SGCZ: variants seen among roughly 807,000 people sequenced by gnomAD.
SGCZ encodes the protein zeta-sarcoglycan.
A neutral mutation model predicts 41.3 loss-of-function variants in SGCZ; 40 were observed. That is an observed-to-expected ratio of 0.97 (90% confidence interval 0.75 to 1.26). The LOEUF (loss-of-function observed/expected upper bound fraction) is 1.26, where lower values mean the gene tolerates loss of function less well. SGCZ is among the 50% of genes most tolerant of loss of function. The probability of loss-of-function intolerance (pLI) is 0.00; values close to 1 mark genes in which losing one functional copy is unlikely to be tolerated. For synonymous variants in SGCZ, 206 were observed against 137.5 expected (o/e 1.50, Z -3.49); for missense variants, 552 against 369.8 (o/e 1.49, Z -4.04).
chr8:14,235,998 G>A (rs1054234826), intron 4 of SGCZ, among the ~76,000 whole-genome samples: 1 of 152,230 alleles, frequency 6.6e-6, no homozygotes. Flanking sequence ...TTTACATTTT[G>A]ACATTTCTAC....
chr8:14,346,276 T>C (rs1012115516), intron 2 of SGCZ, among the ~76,000 whole-genome samples: 30 of 151,986 alleles, frequency 2.0e-4, no homozygotes, highest in African/African-American at 6.5e-4. Flanking sequence ...AAAAGTAAAA[T>C]CTATTAATTA....
intron 2 of SGCZ, among the ~76,000 whole-genome samples, chr8:14,465,052 G>A (rs961916513): frequency 4.6e-5 from 7 of 151,660 alleles, no homozygotes; most frequent in Non-Finnish European, 1.0e-4. Flanking sequence ...TATGTATTCT[G>A]CTTTTGTTCA....
intron 1 of SGCZ, among the ~76,000 whole-genome samples, chr8:14,598,252 C>T (rs1204810316): frequency 6.8e-6 from 1 of 146,856 alleles, no homozygotes; most frequent in African/African-American, 2.4e-5. Flanking sequence ...ATGTACATGG[C>T]CTCTTTGAGT....
At chr8:14,563,880 A>T (rs1329084132) in intron 1 of SGCZ, among the ~76,000 whole-genome samples, 1 of 152,180 alleles carries the variant, frequency 6.6e-6, no homozygotes, top group Admixed American at 6.5e-5. Flanking sequence ...AATTGATATA[A>T]TTTTTTAAAA....
intron 3 of SGCZ, among the ~76,000 whole-genome samples, chr8:14,250,452 C>T (rs1349391641): frequency 6.6e-6 from 1 of 152,022 alleles, no homozygotes; most frequent in African/African-American, 2.4e-5. Context: ...CATAACCATA[C>T]CTCCATGTTA....
chr8:15,043,847 A>G (rs1453333898), intron 1 of SGCZ, among the ~76,000 whole-genome samples: 2 of 152,110 alleles, frequency 1.3e-5, no homozygotes, highest in Non-Finnish European at 2.9e-5. Context: ...CTTTAGTGTT[A>G]TAAGTGAAGT....
intron 1 of SGCZ, among the ~76,000 whole-genome samples, chr8:15,198,625 T>C (rs897235156): frequency 2.0e-5 from 3 of 152,224 alleles, no homozygotes; most frequent in African/African-American, 7.2e-5. Context: ...CTGTATGCTC[T>C]AAAACTGTTA....
intron 1 of SGCZ, among the ~76,000 whole-genome samples, chr8:14,619,667 AT>A (rs1444443032): frequency 6.6e-6 from 1 of 152,130 alleles, no homozygotes; most frequent in Non-Finnish European, 1.5e-5. Context: ...AGAGAACCAA[AT>A]CATGAGTGAA....
chr8:14,458,101 G>C (rs1292585393), intron 2 of SGCZ, among the ~76,000 whole-genome samples: 1 of 152,100 alleles, frequency 6.6e-6, no homozygotes, highest in Non-Finnish European at 1.5e-5. Flanking sequence ...TGTGAGAAAA[G>C]ACTAGTACAA....
chr8:14,444,310 G>A (rs1215558775), intron 2 of SGCZ, among the ~76,000 whole-genome samples: 1 of 152,086 alleles, frequency 6.6e-6, no homozygotes, highest in African/African-American at 2.4e-5. Context: ...TTCCATTACT[G>A]GGTATATACC....
chr8:15,123,785 A>G (rs890239089), intron 1 of SGCZ, among the ~76,000 whole-genome samples: 1 of 152,250 alleles, frequency 6.6e-6, no homozygotes, highest in South Asian at 2.1e-4. Flanking sequence ...GATAAGCATA[A>G]CATTACCGTA....
intron 2 of SGCZ, among the ~76,000 whole-genome samples, chr8:14,328,410 C>T (rs1243724434): frequency 1.3e-5 from 2 of 152,074 alleles, no homozygotes; most frequent in African/African-American, 2.4e-5. Context: ...CACTTCTTCC[C>T]TTTGTTAAGT....
intron 1 of SGCZ, among the ~76,000 whole-genome samples, chr8:15,021,875 A>G (rs892909170): frequency 2.4e-4 from 36 of 152,200 alleles, no homozygotes; most frequent in African/African-American, 8.7e-4. Context: ...TGCCCTTGCT[A>G]ATTCTTAGAA....
chr8:14,763,029 A>G lies in SGCZ; in HGVS notation c.40-208103T>C, dbSNP rs184951069. Among the ~76,000 whole-genome samples, 267 of 152,350 alleles carry G rather than the reference A, an allele frequency of 1.8e-3. 2 individuals carry two copies. The highest frequency in any genetic ancestry group is 1.8e-3 in the Non-Finnish European group (124 of 68,034). ...AGTTGTAGCTTAGTACATAAATATC[A>G]TACGTCCAACACAATAAGAATTAAA... is the stretch of plus-strand genomic sequence containing the variant. On this transcript the variant is annotated intron_variant, in intron 1 of 7. Transcript: ENST00000382080.
At chr8:14,960,997 C>T (rs946404912) in intron 1 of SGCZ, among the ~76,000 whole-genome samples, 2 of 151,452 alleles carry the variant, frequency 1.3e-5, no homozygotes, top group Non-Finnish European at 2.9e-5. Context: ...GCCAATTTTA[C>T]ATTTTACAAA....
intron 1 of SGCZ, among the ~76,000 whole-genome samples, chr8:14,993,426 A>G (rs1023280707): frequency 2.6e-5 from 4 of 152,186 alleles, no homozygotes; most frequent in African/African-American, 9.7e-5. Flanking sequence ...ACACAAAGAA[A>G]TCATGGGGCT....
intron 5 of SGCZ, among the ~76,000 whole-genome samples, chr8:14,159,637 A>G (rs2116972708): frequency 6.6e-6 from 1 of 152,294 alleles, no homozygotes; most frequent in East Asian, 1.9e-4. Context: ...AGAGAAAATG[A>G]AGTGATTGCA....
intron 5 of SGCZ, among the ~76,000 whole-genome samples, chr8:14,118,560 G>A (rs940505590): frequency 7.2e-5 from 11 of 152,286 alleles, no homozygotes; most frequent in African/African-American, 2.4e-4. Context: ...AAGCTCTTTA[G>A]TTTAATTAGA....
At chr8:14,583,354 T>C (rs1585099660) in intron 1 of SGCZ, among the ~76,000 whole-genome samples, 1 of 152,264 alleles carries the variant, frequency 6.6e-6, no homozygotes, top group Non-Finnish European at 1.5e-5. Flanking sequence ...TTTGATGGGG[T>C]TATATTTTTC....
Sources: gnomAD v4.1 joint callset for allele counts (sites outside exome capture counted in the v4.1 genomes callset) on GRCh38, gnomAD v4.1.1 for gene constraint, MANE v1.5 for transcripts, NCBI Gene and HGNC (gene_info 2026-07-23, HGNC 2026-07-21) for gene names.